The following WASL variants were observed in gnomAD, a reference collection of about 807,000 sequenced individuals.
WASL encodes the protein WASP like actin nucleation promoting factor.
WASL carries 20 observed loss-of-function variants against 55.5 expected under a neutral mutation model. That is an observed-to-expected ratio of 0.36 (90% CI 0.25 to 0.52). WASL has a LOEUF of 0.52. Among genes scored for constraint, WASL ranks in the 20% least tolerant of loss-of-function variants. The pLI, the probability that WASL is intolerant of heterozygous loss-of-function variation, is 0.92. For synonymous variants in WASL, 249 were observed against 217.6 expected, an observed-to-expected ratio of 1.14 and a Z score of -1.27; for missense variants, 504 against 622.5, an observed-to-expected ratio of 0.81 and a Z score of 2.03.
At chr7:123,748,358 C>T (rs761266246) in intron 1 of WASL, among the ~76,000 whole-genome samples, 1 of 152,142 alleles carries the variant, frequency 6.6e-6, no homozygotes, top group Non-Finnish European at 1.5e-5. Context: ...CGGGCCGAGG[C>T]CCGGCCAGGC....
intron 1 of WASL, among the ~76,000 whole-genome samples, chr7:123,731,938 G>T (rs1335942003): frequency 6.6e-6 from 1 of 152,040 alleles, no homozygotes; most frequent in African/African-American, 2.4e-5. Context: ...ACTGAAAATA[G>T]GAAATCAACA....
At chr7:123,747,754 A>AC (rs1804458343) in intron 1 of WASL, among the ~76,000 whole-genome samples, 1 of 151,798 alleles carries the variant, frequency 6.6e-6, no homozygotes, top group South Asian at 2.1e-4. Flanking sequence ...GAACCTCCCC[A>AC]CCCCCAGAAT....
intron 1 of WASL, 116 bp downstream of exon 1, chr7:123,748,502 G>A (rs1265339733): frequency 9.3e-7 from 1 of 1,080,368 alleles, no homozygotes; most frequent in Non-Finnish European, 1.3e-6. Flanking sequence ...GGCCGGGGCT[G>A]GCGGGAGGCC....
intron 1 of WASL, among the ~76,000 whole-genome samples, chr7:123,725,747 G>T (rs539137505): frequency 1.3e-5 from 2 of 152,228 alleles, no homozygotes; most frequent in Admixed American, 1.3e-4. Context: ...AAAGAACAGG[G>T]TTATAAATTT....
At chr7:123,692,933 A>C in intron 8 of WASL, 66 bp from the exon 9 acceptor site, 1 of 1,322,296 alleles carries the variant, frequency 7.6e-7, no homozygotes, top group South Asian at 2.9e-5. Flanking sequence ...ATTGAAAAGT[A>C]ATTCATTTTA....
chr7:123,730,433 G>A (rs1006496946), intron 1 of WASL, among the ~76,000 whole-genome samples: 1 of 152,042 alleles, frequency 6.6e-6, no homozygotes, highest in Non-Finnish European at 1.5e-5. Context: ...AAGAAAATGG[G>A]AATATTGTGT....
chr7:123,703,733 T>C (rs574424699), intron 5 of WASL, among the ~76,000 whole-genome samples: 2 of 152,246 alleles, frequency 1.3e-5, no homozygotes, highest in South Asian at 4.1e-4. Flanking sequence ...CAATCACCAA[T>C]AGCTGTCATA....
chr7:123,736,569 C>T (rs925413868), intron 1 of WASL, among the ~76,000 whole-genome samples: 1 of 152,094 alleles, frequency 6.6e-6, no homozygotes, highest in Non-Finnish European at 1.5e-5. Flanking sequence ...TTTTCTGCTC[C>T]ATTATAATCT....
chr7:123,709,639 T>C (rs140520444), intron 1 of WASL, among the ~76,000 whole-genome samples: 1 of 152,304 alleles, frequency 6.6e-6, no homozygotes, highest in East Asian at 1.9e-4. Context: ...AATTTGTGAC[T>C]TCAAATCTAG....
chr7:123,739,522 A>G (rs1804294138), intron 1 of WASL, among the ~76,000 whole-genome samples: 1 of 152,212 alleles, frequency 6.6e-6, no homozygotes, highest in Admixed American at 6.5e-5. Flanking sequence ...TCAGTACAGT[A>G]TTCAACAAAT....
At position 123,684,476 on chromosome 7, in the gene WASL, A is replaced by G; in HGVS notation, c.*43T>C. The G allele has an allele frequency of 1.8e-6, 1 of 541,372 alleles. No individual in the cohort carries two copies. The highest frequency in any genetic ancestry group is 3.1e-6 in the Non-Finnish European group (1 of 318,212). 33.5% of individuals were successfully genotyped at this position (541,372 alleles called of 1,614,324 possible). The stretch of plus-strand genomic sequence containing the variant: ...AATCCACAGACAGAAAGTAGTGTTT[A>G]GTATTTCACCTTAAAAATATATATA... On this transcript the variant is annotated 3_prime_UTR_variant, in exon 11 of 11. Transcript: ENST00000223023.
At chr7:123,701,938 A>C (rs1466654271) in intron 5 of WASL, among the ~76,000 whole-genome samples, 1 of 96,932 alleles carries the variant, frequency 1.0e-5, no homozygotes, top group Non-Finnish European at 2.0e-5. Context: ...TCCTTTAACA[A>C]CACTATTAAA....
intron 1 of WASL, among the ~76,000 whole-genome samples, chr7:123,733,175 T>G (rs974577805): frequency 1.3e-5 from 2 of 152,188 alleles, no homozygotes; most frequent in African/African-American, 4.8e-5. Flanking sequence ...TGTAACACAA[T>G]AAACGGTATA....
intron 1 of WASL, among the ~76,000 whole-genome samples, chr7:123,734,867 T>C (rs1207484735): frequency 6.6e-6 from 1 of 152,022 alleles, no homozygotes; most frequent in East Asian, 1.9e-4. Flanking sequence ...CAAAATATTA[T>C]TAATAGGAGA....
intron 1 of WASL, among the ~76,000 whole-genome samples, chr7:123,735,766 G>A (rs1033767630): frequency 1.3e-5 from 2 of 152,060 alleles, no homozygotes; most frequent in Non-Finnish European, 1.5e-5. Flanking sequence ...GCAAGGAGGA[G>A]GAGGAAGACG....
chr7:123,687,705 T>A (rs1803315970), intron 10 of WASL, among the ~76,000 whole-genome samples: 1 of 152,072 alleles, frequency 6.6e-6, no homozygotes, highest in Non-Finnish European at 1.5e-5. Flanking sequence ...CTTTGTTTAT[T>A]GCTTGTCTCT....
intron 6 of WASL, 31 bp downstream of exon 6, chr7:123,696,543 AAAGTG>A (rs778768257): frequency 1.3e-6 from 2 of 1,504,120 alleles, no homozygotes; most frequent in Admixed American, 4.6e-5. Context: ...GAATAAATCA[AAAGTG>A]AAGATAAGAA....
chr7:123,687,756 C>CTTT (rs34607411), intron 10 of WASL, among the ~76,000 whole-genome samples: 41 of 150,194 alleles, frequency 2.7e-4, no homozygotes, highest in East Asian at 5.9e-4. Context: ...AAGGCAGGGA[C>CTTT]TTTTTTTTTG....
At chr7:123,726,021 T>C (rs1007869783) in intron 1 of WASL, among the ~76,000 whole-genome samples, 13 of 152,194 alleles carry the variant, frequency 8.5e-5, no homozygotes, top group African/African-American at 3.1e-4. Flanking sequence ...GCATATTTTT[T>C]AAAGGTCTTG....
Sources: allele counts gnomAD v4.1 joint callset (sites outside exome capture counted in the v4.1 genomes callset), GRCh38; gene constraint gnomAD v4.1.1; transcripts MANE v1.5; gene names NCBI Gene and HGNC (gene_info 2026-07-23, HGNC 2026-07-21).